OXNAD1: variants seen among roughly 807,000 people sequenced by gnomAD.
OXNAD1 encodes the protein oxidoreductase NAD binding domain containing 1, also known as oxidoreductase NAD-binding domain-containing protein 1.
Under a neutral mutation model 32.9 loss-of-function variants are expected in OXNAD1, and 34 were observed. The observed-to-expected ratio is 1.03, with a 90% CI of 0.79 to 1.38. The LOEUF is 1.38. Ranked by LOEUF, OXNAD1 falls within the 40% of genes most tolerant of loss-of-function variation. OXNAD1 has a pLI of 0.00. For synonymous variants in OXNAD1, 134 were observed against 135.2 expected (o/e 0.99, Z 0.06); for missense variants, 407 against 379.4 (o/e 1.07, Z -0.60).
chr3:16,323,744 G>A (rs1191976177), intron 9 of OXNAD1, among the ~76,000 whole-genome samples: 1 of 152,174 alleles, frequency 6.6e-6, no homozygotes, highest in Non-Finnish European at 1.5e-5. Context: ...GGCCAAATGT[G>A]GACACACTGG....
In OXNAD1 at chr3:16,345,819, CGCGCGCGCGT is replaced by C. The variant is rs768813209; in HGVS notation, c.*31-3350_*31-3341del. ...GTGTGTGTGTGTGTGTGTGTGTGTG[CGCGCGCGCGT>C]GCGCGCACGCGCACATGTGCATGTG... On this transcript the variant is annotated intron_variant, in intron 9 of 9. Transcript: ENST00000606098. This position sits in a 1 kb window ranked among gnomAD's most constrained non-coding sequence, Gnocchi z 5.2. Among the ~76,000 whole-genome samples the C allele has an allele frequency of 5.7e-4, 48 of 83,904 alleles. No homozygotes were observed. The highest frequency in any genetic ancestry group is 1.8e-3 in the African/African-American group (44 of 24,572). 55.0% of individuals were successfully genotyped at this position (83,904 alleles called of 152,430 possible).
Position 16,322,300 on chromosome 3 carries a change from T to G in OXNAD1, c.*31-14812T>G, listed in dbSNP as rs1012049770. ...CAGCCCATCTGGCTTCAAGTCACCA[T>G]TGCTTTGGCACTCCTTCCACAAGTG... is the stretch of plus-strand genomic sequence containing the variant. On this transcript the variant is annotated intron_variant, in intron 9 of 9. Coordinates refer to the OXNAD1 transcript ENST00000435829. The surrounding 1 kb of genome is among the most constrained non-coding windows in gnomAD (Gnocchi z 6.2). Among the ~76,000 whole-genome samples, 1 of 152,198 alleles carries G rather than the reference T, an allele frequency of 6.6e-6. No homozygotes were observed. Among genetic ancestry groups the G allele is most frequent in the Non-Finnish European group, 1.5e-5 (1 of 68,028 alleles).
Position 16,305,754 on chromosome 3 carries a change from T to A in OXNAD1, c.*2192T>A, listed in dbSNP as rs1466835848. ...GTCACTTAACTGCTCTATGCCTCAT[T>A]TAAAATTACATACAACTACATGTAA... On this transcript the variant is annotated 3_prime_UTR_variant, in exon 9 of 9. Coordinates refer to ENST00000285083, the MANE Select transcript of OXNAD1 (RefSeq NM_138381.5). This position sits in a 1 kb window ranked among gnomAD's most constrained non-coding sequence, Gnocchi z 4.5. 6.6e-6 allele frequency: 1 copy of A among 152,200 alleles called. No homozygotes were observed. The highest frequency in any genetic ancestry group is 2.4e-5 in the African/African-American group (1 of 41,442). The allele number at this position is 152,200 out of a possible 1,614,324, so 9.4% of individuals were successfully genotyped here.
chr3:16,343,894 T>C (rs1339908187), intron 9 of OXNAD1, among the ~76,000 whole-genome samples: 1 of 152,200 alleles, frequency 6.6e-6, no homozygotes, highest in Non-Finnish European at 1.5e-5. Flanking sequence ...GCTGATAGTC[T>C]TATAGATGGC....
intron 9 of OXNAD1, among the ~76,000 whole-genome samples, chr3:16,313,267 T>C (rs1321561152): frequency 6.9e-6 from 1 of 144,900 alleles, no homozygotes; most frequent in Non-Finnish European, 1.5e-5. Flanking sequence ...GGTCTCGAAC[T>C]CCTGAGCTCA....
At position 16,316,978 on chromosome 3, in the gene OXNAD1, C is replaced by CA; in HGVS notation, c.*30+13387dup. On this transcript the variant is annotated intron_variant, in intron 9 of 9. Transcript: ENST00000435829. The surrounding 1 kb of genome is among the most constrained non-coding windows in gnomAD (Gnocchi z 4.5). ...TCTGCACAGCCTCACCCTCCACACC[C>CA]ACCCCACACAGCAGGCCACCAGGGG... The CA allele has an allele frequency of 6.2e-7, 1 of 1,614,076 alleles. No individual in the cohort carries two copies. Among genetic ancestry groups the CA allele is most frequent in the East Asian group, 2.2e-5 (1 of 44,842 alleles).
In OXNAD1 at chr3:16,302,803, C is replaced by A; in HGVS notation, c.784+55C>A. ...TCCATGCAGTTATTTGATGGACACA[C>A]CAGTTGGTTGAGCGTAGATGCTTTA... On this transcript the variant is annotated intron_variant, in intron 8 of 8. Transcript: ENST00000285083. The surrounding 1 kb of genome is among the most constrained non-coding windows in gnomAD (Gnocchi z 4.2). 1 of 1,344,690 alleles carries A rather than the reference C, an allele frequency of 7.4e-7. No homozygotes were observed. Among genetic ancestry groups the A allele is most frequent in the Non-Finnish European group, 1.1e-6 (1 of 947,806 alleles). 83.3% of individuals were successfully genotyped at this position (1,344,690 alleles called of 1,614,324 possible). A position where few individuals can be genotyped will look rare whatever the true frequency, so the allele number is the denominator to read the frequency against.
At position 16,298,104 on chromosome 3, in the gene OXNAD1, C is replaced by A. The variant is rs2066926652; in HGVS notation, c.432+3107C>A. Among the ~76,000 whole-genome samples the A allele has an allele frequency of 6.6e-6, 1 of 152,038 alleles. No individual in the cohort carries two copies. The highest frequency in any genetic ancestry group is 6.5e-5 in the Admixed American group (1 of 15,268). ...GTAGGCATTTCCATTGTAAATGTAT[C>A]CTGTCACATTTTTACCCTGCAACCT... On this transcript the variant is annotated intron_variant, in intron 6 of 8. Transcript: ENST00000285083. The surrounding 1 kb of genome is among the most constrained non-coding windows in gnomAD (Gnocchi z 5.1).
At position 16,288,219 on chromosome 3, in the gene OXNAD1, A is replaced by G. The variant is rs1031620063; in HGVS notation, c.290+1771A>G. On this transcript the variant is annotated intron_variant, in intron 5 of 8. Coordinates refer to ENST00000285083, the MANE Select transcript of OXNAD1 (RefSeq NM_138381.5). The surrounding 1 kb of genome is among the most constrained non-coding windows in gnomAD (Gnocchi z 5.1). ...TGTCTCAGACCATCAGCTTGGTAGT[A>G]ACAGCCATGTGGTACTTTGGAGAAG... is the stretch of plus-strand genomic sequence containing the variant. Among the ~76,000 whole-genome samples the G allele has an allele frequency of 1.3e-5, 2 of 152,156 alleles. No homozygotes were observed. Among genetic ancestry groups the G allele is most frequent in the African/African-American group, 4.8e-5 (2 of 41,436 alleles).
rs1248288159 is a variant in OXNAD1, at chr3:16,337,037, A to C, written c.*31-75A>C. On this transcript the variant is annotated intron_variant, in intron 9 of 9. Coordinates refer to the OXNAD1 transcript ENST00000435829. The surrounding 1 kb of genome is among the most constrained non-coding windows in gnomAD (Gnocchi z 5.0). ...CTTGGGACTTGCTCTGACAAATAGG[A>C]TATGGCAGATGTGACATTACGGTCA... The C allele has an allele frequency of 6.6e-6, 1 of 152,122 alleles. No individual in the cohort carries two copies. The highest frequency in any genetic ancestry group is 1.5e-5 in the Non-Finnish European group (1 of 68,030). The allele number at this position is 152,122 out of a possible 1,614,324, so 9.4% of individuals were successfully genotyped here.
rs1481567433 is a variant in OXNAD1 at position 16,321,349 on chromosome 3, C to A, written c.*31-15763C>A. On this transcript the variant is annotated intron_variant, in intron 9 of 9. Transcript: ENST00000435829. This position sits in a 1 kb window ranked among gnomAD's most constrained non-coding sequence, Gnocchi z 4.8. Reference sequence around the variant, plus strand: ...GGGGCTGGGTCTGAACCCTGAGGAACTTAGTGGGAAACCAGGAGAATGAGG... The same window carrying A: ...GGGGCTGGGTCTGAACCCTGAGGAAATTAGTGGGAAACCAGGAGAATGAGG... Among the ~76,000 whole-genome samples the A allele has an allele frequency of 6.6e-6, 1 of 152,098 alleles. No individual in the cohort carries two copies. Among genetic ancestry groups the A allele is most frequent in the Non-Finnish European group, 1.5e-5 (1 of 68,022 alleles).
At chr3:16,349,385 T>TAC (rs2071942344) in exon 10 of OXNAD1, 1 of 152,012 alleles carries the variant, frequency 6.6e-6, no homozygotes, top group Non-Finnish European at 1.5e-5. Flanking sequence ...CAGAAGGGGG[T>TAC]ACCTGAGCCT....
At chr3:16,308,002 CCTT>C (rs1006421970), downstream of OXNAD1, among the ~76,000 whole-genome samples, 14 of 152,236 alleles carry the variant, frequency 9.2e-5, no homozygotes, top group African/African-American at 3.4e-4. This position sits in a 1 kb window ranked among gnomAD's most constrained non-coding sequence, Gnocchi z 4.4. Context: ...GGAAGTGACA[CCTT>C]CTTCTAGAGG....
intron 9 of OXNAD1, among the ~76,000 whole-genome samples, chr3:16,343,903 G>T (rs942600336): frequency 6.6e-6 from 1 of 152,142 alleles, no homozygotes; most frequent in Non-Finnish European, 1.5e-5. Flanking sequence ...CTTATAGATG[G>T]CCCCACAAAG....
chr3:16,292,145 T>C (rs2066470447), intron 5 of OXNAD1, among the ~76,000 whole-genome samples: 1 of 151,880 alleles, frequency 6.6e-6, no homozygotes, highest in Admixed American at 6.6e-5. Context: ...TATTAATAGA[T>C]ATATTATTTA....
chr3:16,346,093 G>A lies in OXNAD1; in HGVS notation c.*31-3083G>A, dbSNP rs1302013221. ...CTCGTCAGATTGAAAAGGTTCCTAT[G>A]ATTTAGGGTCTTCCAGCACCCCTCA... is the stretch of plus-strand genomic sequence containing the variant. On this transcript the variant is annotated intron_variant, in intron 9 of 9. Transcript: ENST00000606098. This position sits in a 1 kb window ranked among gnomAD's most constrained non-coding sequence, Gnocchi z 4.4. The A allele has an allele frequency of 6.6e-6, 1 of 152,104 alleles. No individual in the cohort carries two copies. Among genetic ancestry groups the A allele is most frequent in the East Asian group, 1.9e-4 (1 of 5,180 alleles). 9.4% of individuals were successfully genotyped at this position (152,104 alleles called of 1,614,324 possible).
Position 16,348,248 on chromosome 3 carries a change from G to A in OXNAD1, c.*31-928G>A, listed in dbSNP as rs1019664828. 1.3e-5 allele frequency among the ~76,000 whole-genome samples: 2 copies of A among 152,040 alleles called. No individual in the cohort carries two copies. Among genetic ancestry groups the A allele is most frequent in the Admixed American group, 6.5e-5 (1 of 15,268 alleles). Reference sequence around the variant, plus strand: ...GCATGATGGTAAAAAGGAAGCCGAGGCATCTAGATCACTGACATTATCCAT... The same window carrying A: ...GCATGATGGTAAAAAGGAAGCCGAGACATCTAGATCACTGACATTATCCAT... On this transcript the variant is annotated intron_variant, in intron 9 of 9. Coordinates refer to the OXNAD1 transcript ENST00000606098. This position sits in a 1 kb window ranked among gnomAD's most constrained non-coding sequence, Gnocchi z 6.3.
At chr3:16,343,977 G>A (rs908911784) in intron 9 of OXNAD1, among the ~76,000 whole-genome samples, 1 of 152,174 alleles carries the variant, frequency 6.6e-6, no homozygotes, top group South Asian at 2.1e-4. Context: ...GATCTGAGGT[G>A]GAGCAGGGTC....
chr3:16,332,157 A>T (rs977851779), intron 9 of OXNAD1, among the ~76,000 whole-genome samples: 2 of 152,070 alleles, frequency 1.3e-5, no homozygotes, highest in African/African-American at 4.8e-5. Context: ...CTTGTCCTTC[A>T]GTTCTGAAAA....
Sources: gnomAD v4.1 joint callset for allele counts (sites outside exome capture counted in the v4.1 genomes callset) on GRCh38, gnomAD v4.1.1 for gene constraint, Gnocchi (gnomAD v3.1) non-coding constraint, MANE v1.5 for transcripts, NCBI Gene and HGNC (gene_info 2026-07-23, HGNC 2026-07-21) for gene names.